SF3B3: variants seen among roughly 807,000 people sequenced by gnomAD.
SF3B3 encodes the protein SAP 130.
Under a neutral mutation model 139.2 loss-of-function variants are expected in SF3B3, and 33 were observed. The ratio of observed to expected loss-of-function variants is 0.24; its 90% CI spans 0.18 to 0.32. SF3B3 has a LOEUF of 0.32. SF3B3 is among the 10% of genes least tolerant of loss of function. The pLI, the probability that SF3B3 is intolerant of heterozygous loss-of-function variation, is 1.00. For missense variants in SF3B3, 818 were observed against 1,509.4 expected (o/e 0.54, Z 7.59); for synonymous variants, 596 against 563.6 (o/e 1.06, Z -0.81).
intron 5 of SF3B3, 109 bp from the exon 6 acceptor site, chr16:70,535,199 A>G (rs969944578): frequency 4.9e-5 from 28 of 566,426 alleles, no homozygotes; most frequent in Non-Finnish European, 8.4e-5. Context: ...GTTTCTTAGC[A>G]TCAGGCACAT....
chr16:70,564,525 A>G (rs943790835), intron 18 of SF3B3, among the ~76,000 whole-genome samples: 1 of 152,188 alleles, frequency 6.6e-6, no homozygotes, highest in African/African-American at 2.4e-5. Flanking sequence ...TTTATTCACA[A>G]TTAAGTTCCC....
At chr16:70,552,235 T>C (rs1236239480) in intron 11 of SF3B3, among the ~76,000 whole-genome samples, 1 of 152,244 alleles carries the variant, frequency 6.6e-6, no homozygotes, top group African/African-American at 2.4e-5. Context: ...TTACAGCCTT[T>C]TGTTGTTTGG....
rs113880436 is a variant in SF3B3 at position 70,530,226 on chromosome 16, C to T, written c.398-519C>T. On this transcript the variant is annotated intron_variant, in intron 3 of 25. Coordinates refer to ENST00000302516, the MANE Select transcript of SF3B3 (RefSeq NM_012426.5). ...CCCAGGATGGTCTTGAATTCCTGGGCTCAAGCAATCCTTCCTTCTGTCTTG... is the reference window on the plus strand; with the variant it reads ...CCCAGGATGGTCTTGAATTCCTGGGTTCAAGCAATCCTTCCTTCTGTCTTG... 3.1e-3 allele frequency among the ~76,000 whole-genome samples: 464 copies of T among 151,856 alleles called. 2 individuals carry two copies. The highest frequency in any genetic ancestry group is 5.4e-3 in the Non-Finnish European group (368 of 67,964).
chr16:70,569,938 C>T, intron 23 of SF3B3, 68 bp from the exon 24 acceptor site: 1 of 1,577,276 alleles, frequency 6.3e-7, no homozygotes, highest in Non-Finnish European at 8.7e-7. Flanking sequence ...GGGAGCACTG[C>T]TTGCCCTTGG....
At chr16:70,547,679 C>T (rs1051078947) in intron 10 of SF3B3, among the ~76,000 whole-genome samples, 54 of 152,314 alleles carry the variant, frequency 3.5e-4, no homozygotes, top group Non-Finnish European at 2.4e-4. Context: ...CCGCAACCTC[C>T]GCCTCCCGGG....
At chr16:70,570,935 G>A (rs569566055) in intron 24 of SF3B3, among the ~76,000 whole-genome samples, 160 bp from the exon 25 acceptor site, 3 of 152,308 alleles carry the variant, frequency 2.0e-5, no homozygotes, top group Non-Finnish European at 4.4e-5. Flanking sequence ...TTTAACTATC[G>A]TGTTGTAGCA....
chr16:70,523,978 G>T, intron 1 of SF3B3, 50 bp downstream of exon 1: 3 of 421,564 alleles, frequency 7.1e-6, no homozygotes. Flanking sequence ...GCGGAGACCG[G>T]CCATATGGAA....
chr16:70,555,286 A>G (rs976057534), intron 13 of SF3B3, 80 bp downstream of exon 13: 22 of 1,308,174 alleles, frequency 1.7e-5, no homozygotes, highest in African/African-American at 1.0e-4. Flanking sequence ...AGTCATTTAG[A>G]TGATAGTATG....
chr16:70,540,184 C>T (rs907459436), intron 8 of SF3B3, among the ~76,000 whole-genome samples: 1 of 148,660 alleles, frequency 6.7e-6, no homozygotes, highest in African/African-American at 2.5e-5. Flanking sequence ...CACCTGAGGT[C>T]GGGAGTTCGA....
intron 9 of SF3B3, among the ~76,000 whole-genome samples, chr16:70,543,019 G>A (rs1440082048): frequency 2.0e-5 from 3 of 151,952 alleles, no homozygotes; most frequent in South Asian, 2.1e-4. Context: ...CACCACGCCC[G>A]GCCAAGTGTG....
At chr16:70,534,119 G>C (rs190366537) in intron 5 of SF3B3, among the ~76,000 whole-genome samples, 1 of 152,340 alleles carries the variant, frequency 6.6e-6, no homozygotes, top group Non-Finnish European at 1.5e-5. Flanking sequence ...GGAAACGAAT[G>C]TGTTACAGAA....
rs376546377 is a variant in SF3B3 at position 70,571,804 on chromosome 16, C to T, written c.3645C>T (p.Tyr1215=). The change falls in exon 26 of 26, where the codon TAC becomes TAT. Residue 1215 remains tyrosine (Y), a synonymous_variant. Transcript: ENST00000302516. ...AACTCGAGGATATCCGGACCCGCTA[C>T]GCCTTCTGAGCCCTCCTTTCCCGGT... ...SKKLEDIRTR[Y]AF is the part of the protein sequence containing the mutation. 57 of 1,613,260 alleles carry T rather than the reference C, an allele frequency of 3.5e-5. 1 individual carries two copies. The highest frequency in any genetic ancestry group is 2.7e-4 in the Admixed American group (16 of 59,704).
chr16:70,570,885 C>T (rs1286294623), intron 24 of SF3B3, among the ~76,000 whole-genome samples: 3 of 152,216 alleles, frequency 2.0e-5, no homozygotes, highest in African/African-American at 7.2e-5. Flanking sequence ...GTGTGGCATT[C>T]TCTCTTGCAC....
At chr16:70,540,414 G>C (rs2050208718) in intron 8 of SF3B3, among the ~76,000 whole-genome samples, 1 of 151,944 alleles carries the variant, frequency 6.6e-6, no homozygotes, top group Admixed American at 6.6e-5. Flanking sequence ...GTTTAAGACA[G>C]AGTCTTACTC....
At chr16:70,548,039 T>C (rs1336291691) in intron 10 of SF3B3, among the ~76,000 whole-genome samples, 2 of 152,200 alleles carry the variant, frequency 1.3e-5, no homozygotes, top group African/African-American at 4.8e-5. Context: ...AAGGGGATGC[T>C]AATTTAGATG....
rs2050543011 is a variant in SF3B3, at chr16:70,572,890, C to A, written c.*1077C>A. ...TCCTCCTGTTTAGTTGTGTGGGAAGCCCTCGTCTTCCAGGCTGTCCTTGCG... is the reference window on the plus strand; with the variant it reads ...TCCTCCTGTTTAGTTGTGTGGGAAGACCTCGTCTTCCAGGCTGTCCTTGCG... On this transcript the variant is annotated 3_prime_UTR_variant, in exon 26 of 26. Coordinates refer to ENST00000302516, the MANE Select transcript of SF3B3 (RefSeq NM_012426.5). 1 of 152,208 alleles carries A rather than the reference C, an allele frequency of 6.6e-6. No individual in the cohort carries two copies. Among genetic ancestry groups the A allele is most frequent in the Non-Finnish European group, 1.5e-5 (1 of 68,066 alleles). The allele number at this position is 152,208 out of a possible 1,614,324, so 9.4% of individuals were successfully genotyped here. A position where few individuals can be genotyped will look rare whatever the true frequency, so the allele number is the denominator to read the frequency against.
chr16:70,529,233 A>C (rs1393201237), intron 3 of SF3B3, 34 bp downstream of exon 3: 9 of 1,541,810 alleles, frequency 5.8e-6, no homozygotes, highest in Non-Finnish European at 7.1e-6. Context: ...GTATATGCCT[A>C]GTTTAGGATA....
chr16:70,550,747 A>C (rs2050317001), intron 11 of SF3B3: 1 of 779,296 alleles, frequency 1.3e-6, no homozygotes. Flanking sequence ...CCTGCACAAA[A>C]TATTGAGGCT....
At chr16:70,552,044 A>C (rs1389045793) in intron 11 of SF3B3, among the ~76,000 whole-genome samples, 1 of 152,156 alleles carries the variant, frequency 6.6e-6, no homozygotes, top group South Asian at 2.1e-4. Context: ...GACCCTATTT[A>C]AGTTCACTGA....
Sources: allele counts gnomAD v4.1 joint callset (sites outside exome capture counted in the v4.1 genomes callset), GRCh38; gene constraint gnomAD v4.1.1; transcripts MANE v1.5; gene names NCBI Gene and HGNC (gene_info 2026-07-23, HGNC 2026-07-21).